Variants in RIN2 observed in about 807,000 individuals in gnomAD.
RIN2 encodes Ras and Rab interactor 2.
A neutral mutation model predicts 78.0 loss-of-function variants in RIN2; 36 were observed. The observed-to-expected ratio is 0.46, with a 90% confidence interval of 0.35 to 0.61. RIN2 has a LOEUF of 0.61. Ranked by LOEUF, RIN2 falls within the 20% of genes least tolerant of loss-of-function variation. The pLI is 0.00. For synonymous variants in RIN2, 466 were observed against 466.8 expected (o/e 1.00, Z 0.02); for missense variants, 1,087 against 1,159.7 (o/e 0.94, Z 0.91).
chr20:19,917,903 G>A (rs1270204848), intron 3 of RIN2, among the ~76,000 whole-genome samples: 1 of 152,142 alleles, frequency 6.6e-6, no homozygotes, highest in Non-Finnish European at 1.5e-5. Flanking sequence ...ATTGCCCAAA[G>A]CATTCTTTTA....
chr20:19,866,598 G>A (rs149214950), intron 2 of RIN2, among the ~76,000 whole-genome samples: 1,701 of 152,184 alleles, frequency 0.011, 27 homozygotes, highest in African/African-American at 0.032. Context: ...GTGAAATTGT[G>A]TTTCTAGATT....
At chr20:19,771,597 C>T (rs761094699) in intron 1 of RIN2, among the ~76,000 whole-genome samples, 1 of 152,164 alleles carries the variant, frequency 6.6e-6, no homozygotes, top group Non-Finnish European at 1.5e-5. Context: ...GCTCCCTTTC[C>T]GTAGTCCATC....
At chr20:19,963,337 G>A (rs527710816) in intron 6 of RIN2, among the ~76,000 whole-genome samples, 11 of 152,102 alleles carry the variant, frequency 7.2e-5, no homozygotes, top group South Asian at 2.1e-4. Flanking sequence ...AGAAGCAGCC[G>A]GCGCAGTGGC....
chr20:19,903,629 C>T lies in RIN2; in HGVS notation c.57+13971C>T, dbSNP rs529766095. 3.6e-4 allele frequency among the ~76,000 whole-genome samples: 55 copies of T among 152,238 alleles called. 1 individual carries two copies. The Middle Eastern group carries it at 0.014, about 38-fold the overall frequency. On this transcript the variant is annotated intron_variant, in intron 3 of 12. Transcript: ENST00000255006. ...ATGCTACTGGTCTCTAGTAGGCAGA[C>T]GCCAGAGATGCTGCCAAACTTCCTC...
intron 3 of RIN2, among the ~76,000 whole-genome samples, chr20:19,932,048 G>C (rs1349490682): frequency 6.6e-6 from 1 of 152,180 alleles, no homozygotes; most frequent in African/African-American, 2.4e-5. Flanking sequence ...AGGTGCCATG[G>C]TTTGAATGTC....
chr20:19,893,729 T>C (rs2038588674), intron 3 of RIN2, among the ~76,000 whole-genome samples: 1 of 152,166 alleles, frequency 6.6e-6, no homozygotes, highest in Non-Finnish European at 1.5e-5. Context: ...AGCACCATTG[T>C]TAATTTTCCA....
intron 3 of RIN2, among the ~76,000 whole-genome samples, chr20:19,900,690 C>T (rs1379650632): frequency 6.6e-6 from 1 of 151,664 alleles, no homozygotes; most frequent in Admixed American, 6.6e-5. Context: ...GTGGCTCACG[C>T]CTGTAATCCC....
intron 2 of RIN2, among the ~76,000 whole-genome samples, chr20:19,857,927 A>C (rs544074100): frequency 8.5e-4 from 129 of 152,292 alleles, no homozygotes; most frequent in African/African-American, 3.0e-3. Flanking sequence ...GCTCCATTTA[A>C]GCCTTTTGTT....
intron 2 of RIN2, among the ~76,000 whole-genome samples, chr20:19,875,801 G>A (rs1417789221): frequency 6.6e-6 from 1 of 152,184 alleles, no homozygotes; most frequent in Non-Finnish European, 1.5e-5. Flanking sequence ...ATGGAATGAA[G>A]CAGAGACAGA....
chr20:19,763,916 A>G (rs2033757549), intron 1 of RIN2, among the ~76,000 whole-genome samples: 1 of 152,192 alleles, frequency 6.6e-6, no homozygotes, highest in Non-Finnish European at 1.5e-5. Context: ...AATTCCTACT[A>G]TGAGTGTATA....
chr20:19,831,146 C>T (rs1020462479), intron 2 of RIN2, among the ~76,000 whole-genome samples: 10 of 152,230 alleles, frequency 6.6e-5, no homozygotes, highest in Admixed American at 1.3e-4. Context: ...ATACTCCACC[C>T]TCCCAGGGCA....
rs1368941144 is a variant in RIN2, at chr20:20,000,984, C to A, written c.*48C>A. The A allele has an allele frequency of 2.7e-6, 4 of 1,492,924 alleles. No homozygotes were observed. The African/African-American group carries it at 5.5e-5, about 21-fold the overall frequency. The allele number at this position is 1,492,924 out of a possible 1,614,324, so 92.5% of individuals were successfully genotyped here. A position where few individuals can be genotyped will look rare whatever the true frequency, so the allele number is the denominator to read the frequency against. ...GGTGCATCCAAAGGGGAGCTGGAAGCCTTGCCTTCCCGCTTCTACATGCTT... is the reference window on the plus strand; with the variant it reads ...GGTGCATCCAAAGGGGAGCTGGAAGACTTGCCTTCCCGCTTCTACATGCTT... On this transcript the variant is annotated 3_prime_UTR_variant, in exon 13 of 13. Transcript: ENST00000255006.
intron 1 of RIN2, among the ~76,000 whole-genome samples, chr20:19,767,922 CAA>C (rs61365306): frequency 3.1e-4 from 39 of 124,568 alleles, no homozygotes; most frequent in African/African-American, 1.0e-3. Flanking sequence ...AAAACTGTCT[CAA>C]AAAAAAAAAA....
chr20:19,801,354 T>C (rs1281121787), intron 2 of RIN2, among the ~76,000 whole-genome samples: 1 of 151,968 alleles, frequency 6.6e-6, no homozygotes, highest in Non-Finnish European at 1.5e-5. Flanking sequence ...AGAGTCTTGC[T>C]CTGTCACCCA....
At chr20:19,997,720 C>T (rs370663756) in intron 12 of RIN2, among the ~76,000 whole-genome samples, 2 of 152,050 alleles carry the variant, frequency 1.3e-5, no homozygotes, top group Non-Finnish European at 2.9e-5. Flanking sequence ...GATCACGCCA[C>T]TGCACTCCAG....
intron 3 of RIN2, among the ~76,000 whole-genome samples, chr20:19,926,378 A>C (rs1020938332): frequency 1.3e-5 from 2 of 152,164 alleles, no homozygotes; most frequent in African/African-American, 2.4e-5. Flanking sequence ...GTGTGCTTGC[A>C]TCATTGTCCA....
At chr20:19,965,471 G>A (rs2041909177) in intron 7 of RIN2, among the ~76,000 whole-genome samples, 1 of 152,208 alleles carries the variant, frequency 6.6e-6, no homozygotes, top group African/African-American at 2.4e-5. Context: ...CTCTGTAAGG[G>A]ATGGAGTTCA....
chr20:19,887,592 G>A (rs2038253414), intron 2 of RIN2, among the ~76,000 whole-genome samples: 1 of 152,120 alleles, frequency 6.6e-6, no homozygotes, highest in Non-Finnish European at 1.5e-5. Flanking sequence ...AGGTTAAAGG[G>A]TACACATGAA....
rs117652218 is a variant in RIN2 at position 19,937,807 on chromosome 20, C to T, written c.158+2608C>T. ...ACATGTGACAGATAGGCATAAATGACACAATCTCTGTAACAGCTGTGACAA... is the reference window on the plus strand; with the variant it reads ...ACATGTGACAGATAGGCATAAATGATACAATCTCTGTAACAGCTGTGACAA... On this transcript the variant is annotated intron_variant, in intron 4 of 12. Coordinates refer to ENST00000255006, the MANE Select transcript of RIN2 (RefSeq NM_018993.4). Among the ~76,000 whole-genome samples, 521 of 152,324 alleles carry T rather than the reference C, an allele frequency of 3.4e-3. 19 individuals are homozygous for T. The East Asian group carries it at 0.086, about 25-fold the overall frequency.
Sources: gnomAD v4.1 joint callset for allele counts (sites outside exome capture counted in the v4.1 genomes callset) on GRCh38, gnomAD v4.1.1 for gene constraint, MANE v1.5 for transcripts, NCBI Gene and HGNC (gene_info 2026-07-23, HGNC 2026-07-21) for gene names.